Variants in MYOF observed in about 807,000 individuals in gnomAD.
The protein encoded by MYOF is myoferlin, also known as fer-1-like 3, myoferlin.
Under a neutral mutation model 284.2 loss-of-function variants are expected in MYOF, and 244 were observed. The observed-to-expected ratio is 0.86, with a 90% CI of 0.77 to 0.95. The LOEUF (loss-of-function observed/expected upper bound fraction) is 0.95. Among genes scored for constraint, MYOF ranks in the 40% least tolerant of loss-of-function variants. The probability of loss-of-function intolerance (pLI) is 0.00; values close to 1 mark genes in which losing one functional copy is unlikely to be tolerated. For missense variants in MYOF, 2,496 were observed against 2,560.6 expected, an observed-to-expected ratio of 0.97 and a Z score of 0.54; for synonymous variants, 904 against 919.7, an observed-to-expected ratio of 0.98 and a Z score of 0.31.
At chr10:93,337,967 G>T in intron 39 of MYOF, 54 bp from the exon 40 acceptor site, 1 of 1,301,408 alleles carries the variant, frequency 7.7e-7, no homozygotes, top group South Asian at 1.2e-5. Flanking sequence ...ATTTCCAATC[G>T]ATGCAGGAAA....
chr10:93,374,796 G>C lies in MYOF; in HGVS notation c.2268C>G (p.Asp756Glu), dbSNP rs1407409283. The C allele has an allele frequency of 1.9e-6, 3 of 1,614,060 alleles. No homozygotes were observed. The highest frequency in any genetic ancestry group is 2.5e-6 in the Non-Finnish European group (3 of 1,179,980). ...TCAGCTGCATTAATTTATCAAGCCA[G>C]TCCTCAATTTCTGCCAGTGTGGACT... ...DVKSTLAEIEDWLDKLMQLTE... is the reference protein window; with the variant it reads ...DVKSTLAEIEEWLDKLMQLTE... The change falls in exon 23 of 54, where the codon GAC (aspartate) becomes GAG (glutamate). Residue 756 changes from aspartate (D) to glutamate (E), a missense_variant. Around this residue, in one of 3 missense-constraint regions of MYOF, gnomAD observed 2,436 missense variants for 2,480.7 expected, o/e 0.98. Coordinates refer to ENST00000359263, the MANE Select transcript of MYOF (RefSeq NM_013451.4).
chr10:93,336,898 AGAGAAGAAAGGAAGGAAG>A (rs1356308300), intron 40 of MYOF, among the ~76,000 whole-genome samples: 4 of 108,142 alleles, frequency 3.7e-5, no homozygotes, highest in Non-Finnish European at 8.3e-5. Context: ...AAGGAAGGAA[AGAGAAGAAAGGAAGGAAG>A]GGAAGGAAAG....
intron 4 of MYOF, 77 bp downstream of exon 4, chr10:93,431,331 C>T (rs1160128141): frequency 1.5e-6 from 2 of 1,294,296 alleles, no homozygotes; most frequent in African/African-American, 1.5e-5. Flanking sequence ...CCACGCCCGG[C>T]CTTAGACCTT....
Position 93,336,002 on chromosome 10 carries a change from C to T in MYOF, c.4482G>A (p.Leu1494=), listed in dbSNP as rs376304895. 322 of 1,614,038 alleles carry T rather than the reference C, an allele frequency of 2.0e-4. No individual in the cohort carries two copies. The highest frequency in any genetic ancestry group is 5.8e-4 in the Admixed American group (35 of 59,998). The stretch of plus-strand genomic sequence containing the variant: ...ACTTGAACGTATCTGAGAAGTCTGT[C>T]AGGCCCTCAAATTCTGCTACATTTT... ...ELENVAEFEG[L]TDFSDTFKLY... The change falls in exon 41 of 54, where the codon CTG becomes CTA. Residue 1494 remains leucine, a synonymous_variant. Transcript: ENST00000359263.
chr10:93,374,786 T>G lies in MYOF; in HGVS notation c.2278A>C (p.Lys760Gln), dbSNP rs1195864171. The G allele has an allele frequency of 3.1e-6, 5 of 1,613,846 alleles. No individual in the cohort carries two copies. The highest frequency in any genetic ancestry group is 4.2e-6 in the Non-Finnish European group (5 of 1,179,972). ...ACCTCTTCAGTCAGCTGCATTAATT[T>G]ATCAAGCCAGTCCTCAATTTCTGCC... ...TLAEIEDWLD[K>Q]LMQLTEEPQN... Residue 760 changes from lysine to glutamine, a missense_variant, in exon 23 of 54, where the codon AAA (lysine) becomes CAA (glutamine). Lys to Gln is a moderately conservative substitution (Grantham distance 53, BLOSUM62 1). Coordinates refer to ENST00000359263, the MANE Select transcript of MYOF (RefSeq NM_013451.4).
chr10:93,333,518 G>GC (rs1843438697), intron 42 of MYOF, among the ~76,000 whole-genome samples: 1 of 134,890 alleles, frequency 7.4e-6, no homozygotes, highest in Non-Finnish European at 1.7e-5. Flanking sequence ...GTGGCAGGGG[G>GC]CGGGGGGGAG....
intron 53 of MYOF, 45 bp downstream of exon 53, chr10:93,309,975 A>G (rs760073063): frequency 1.9e-6 from 3 of 1,611,946 alleles, no homozygotes; most frequent in Non-Finnish European, 2.5e-6. Flanking sequence ...GACCAACTGC[A>G]ACTCACAAGA....
chr10:93,313,241 G>C, intron 50 of MYOF, 31 bp from the exon 51 acceptor site: 1 of 1,593,664 alleles, frequency 6.3e-7, no homozygotes, highest in South Asian at 1.1e-5. Flanking sequence ...AAGTCCAAAT[G>C]AGCTTCAAGT....
chr10:93,312,347 T>C (rs1179561680), intron 51 of MYOF, among the ~76,000 whole-genome samples: 3 of 60,932 alleles, frequency 4.9e-5, no homozygotes, highest in Admixed American at 3.2e-4. Flanking sequence ...CTCTTTTTTT[T>C]CTTTTTTATT....
intron 17 of MYOF, among the ~76,000 whole-genome samples, chr10:93,390,453 C>T (rs954190317): frequency 2.0e-5 from 3 of 152,184 alleles, no homozygotes; most frequent in African/African-American, 7.2e-5. Context: ...GACTTGGTAA[C>T]AGCCTAGGAT....
chr10:93,414,444 C>T (rs1315980397), intron 5 of MYOF, among the ~76,000 whole-genome samples: 1 of 152,026 alleles, frequency 6.6e-6, no homozygotes, highest in Non-Finnish European at 1.5e-5. Context: ...GAGGCTGAGG[C>T]AGGAGAATCG....
intron 22 of MYOF, among the ~76,000 whole-genome samples, chr10:93,375,989 A>G (rs1316009628): frequency 6.6e-6 from 1 of 152,218 alleles, no homozygotes; most frequent in East Asian, 1.9e-4. Flanking sequence ...GTCCTTACCT[A>G]GAATTTCCAC....
Position 93,353,843 on chromosome 10 carries a change from T to A in MYOF, c.3449A>T (p.Asn1150Ile), listed in dbSNP as rs1386066023. ...HLRCYVYQAR[N>I]LLALDKDSFS... ...GCTATCCTTATCTAAAGCCAAGAGG[T>A]TTCTGGCTTGATAGACATAGCAGCG... The change falls in exon 32 of 54, where the codon AAC (asparagine) becomes ATC (isoleucine). Residue 1150 changes from asparagine (N) to isoleucine (I), a missense_variant. Coordinates refer to ENST00000359263, the MANE Select transcript of MYOF (RefSeq NM_013451.4). 6.2e-7 allele frequency: 1 copy of A among 1,611,094 alleles called. No homozygotes were observed. The highest frequency in any genetic ancestry group is 8.5e-7 in the Non-Finnish European group (1 of 1,178,140).
intron 5 of MYOF, 59 bp from the exon 6 acceptor site, chr10:93,409,798 G>C: frequency 6.3e-7 from 1 of 1,584,292 alleles, no homozygotes; most frequent in Non-Finnish European, 8.6e-7. Flanking sequence ...ATGTCCAAAG[G>C]CTCAGGTTTC....
intron 1 of MYOF, among the ~76,000 whole-genome samples, chr10:93,476,292 G>A (rs1589625075): frequency 9.4e-6 from 1 of 106,568 alleles, no homozygotes; most frequent in South Asian, 3.0e-4. Flanking sequence ...TGGCTTTGTT[G>A]CCAGGCTGGA....
chr10:93,396,114 C>A, intron 16 of MYOF, 28 bp downstream of exon 16: 1 of 1,547,884 alleles, frequency 6.5e-7, no homozygotes, highest in Non-Finnish European at 8.9e-7. Flanking sequence ...TGTATCCAGT[C>A]TTGTTCTAGA....
chr10:93,394,448 C>CTCTTTTTTTTTTTTTTTTTTTTTTTT (rs1846871495), intron 16 of MYOF, among the ~76,000 whole-genome samples: 1 of 28,682 alleles, frequency 3.5e-5, no homozygotes. Context: ...ACCATCTTGT[C>CTCTTTTTTTTTTTTTTTTTTTTTTTT]TTTTTTTTTT....
chr10:93,422,613 A>G (rs1246668594), intron 5 of MYOF, among the ~76,000 whole-genome samples: 7 of 152,126 alleles, frequency 4.6e-5, no homozygotes, highest in Admixed American at 1.3e-4. Flanking sequence ...CCTGGCCAAT[A>G]TGGTGAAACC....
rs546788305 is a variant in MYOF, at chr10:93,362,968, AATGT to A, written c.2868+989_2868+992del. The stretch of plus-strand genomic sequence containing the variant: ...AGATAAACGTTCATAAACATACAAA[AATGT>A]ATGTTTAAGGATGTTCACTGTTACA... On this transcript the variant is annotated intron_variant, in intron 27 of 53. Coordinates refer to ENST00000359263, the MANE Select transcript of MYOF (RefSeq NM_013451.4). 2.0e-3 allele frequency among the ~76,000 whole-genome samples: 302 copies of A among 152,326 alleles called. 1 individual carries two copies. Among genetic ancestry groups the A allele is most frequent in the African/African-American group, 6.7e-3 (277 of 41,576 alleles).
Sources: allele counts gnomAD v4.1 joint callset (sites outside exome capture counted in the v4.1 genomes callset), GRCh38; gene constraint gnomAD v4.1.1; regional missense constraint gnomAD v4.1.1; transcripts MANE v1.5; gene names NCBI Gene and HGNC (gene_info 2026-07-23, HGNC 2026-07-21).